The following SLC25A35 variants were observed in gnomAD, a reference collection of about 807,000 sequenced individuals.
The protein encoded by SLC25A35 is solute carrier family 25 member 35, also known as solute carrier family 25, member 35.
Under a neutral mutation model 30.5 loss-of-function variants are expected in SLC25A35, and 32 were observed. That is an observed-to-expected ratio of 1.05 (90% confidence interval 0.79 to 1.41). SLC25A35 has a LOEUF of 1.41. Among genes scored for constraint, SLC25A35 ranks in the 40% most tolerant of loss-of-function variants. SLC25A35 has a pLI of 0.00. For synonymous variants in SLC25A35, 142 were observed against 158.1 expected (o/e 0.90, Z 0.77); for missense variants, 369 against 388.0 (o/e 0.95, Z 0.41).
intron 1 of SLC25A35, among the ~76,000 whole-genome samples, chr17:8,293,451 C>T (rs1990638111): frequency 6.6e-6 from 1 of 152,198 alleles, no homozygotes; most frequent in South Asian, 2.1e-4. Flanking sequence ...GCATTTGTCT[C>T]CCTCGATCCT....
At position 8,291,364 on chromosome 17, in the gene SLC25A35, G is replaced by A; in HGVS notation, c.563C>T (p.Ser188Leu). The A allele has an allele frequency of 1.2e-6, 2 of 1,614,210 alleles. No individual in the cohort carries two copies. Among genetic ancestry groups the A allele is most frequent in the Non-Finnish European group, 1.7e-6 (2 of 1,180,040 alleles). ...VGSSTQLCTF[S>L]STKDLLSQWE... The stretch of plus-strand genomic sequence containing the variant: ...CTGGCTCAGGAGGTCCTTGGTGGAT[G>A]AGAAGGTGCACAGCTGGGTGGAGGA... Residue 188 changes from serine (S) to leucine (L), a missense_variant, in exon 3 of 5, where the codon TCA becomes TTA. By Grantham distance (145) the Ser-to-Leu change is moderately radical. Coordinates refer to ENST00000577745, the MANE Select transcript of SLC25A35 (RefSeq NM_001320870.2).
chr17:8,289,916 A>C (rs773569824), downstream of SLC25A35: 1 of 1,613,998 alleles, frequency 6.2e-7, no homozygotes, highest in African/African-American at 1.3e-5. Flanking sequence ...TCACGATCCT[A>C]ACATCTTTGG....
At chr17:8,289,006 C>T (rs769218673), downstream of SLC25A35, 6 of 1,614,034 alleles carry the variant, frequency 3.7e-6, no homozygotes, top group Admixed American at 6.7e-5. Context: ...CATCCCGTGA[C>T]GGACCAGAGC....
downstream of SLC25A35, chr17:8,288,774 C>A: frequency 6.2e-7 from 1 of 1,613,886 alleles, no homozygotes; most frequent in South Asian, 1.1e-5. Context: ...ATGCCCATAA[C>A]CCAGCCTCAG....
At chr17:8,291,879 A>G (rs550258619) in intron 2 of SLC25A35, among the ~76,000 whole-genome samples, 5 of 151,944 alleles carry the variant, frequency 3.3e-5, no homozygotes, top group Admixed American at 6.6e-5. Context: ...GTGAAACCCC[A>G]TCTCTATTAA....
At position 8,290,244 on chromosome 17, in the gene SLC25A35, C is replaced by T. The variant is rs1194884537; in HGVS notation, c.*261G>A. The T allele has an allele frequency of 1.8e-5, 25 of 1,424,862 alleles. No homozygotes were observed. Among genetic ancestry groups the T allele is most frequent in the East Asian group, 2.5e-5 (1 of 39,428 alleles). The allele number at this position is 1,424,862 out of a possible 1,614,324, so 88.3% of individuals were successfully genotyped here. ...TGGCAGTGGTGAGTGGGAGGAAATA[C>T]ACTTTGGGATGACTCGTTCAGCCCT... On this transcript the variant is annotated 3_prime_UTR_variant, in exon 5 of 5. Coordinates refer to ENST00000577745, the MANE Select transcript of SLC25A35 (RefSeq NM_001320870.2).
chr17:8,288,755 A>T, downstream of SLC25A35: 1 of 1,611,702 alleles, frequency 6.2e-7, no homozygotes, highest in African/African-American at 1.3e-5. Context: ...CTTCTTTTAA[A>T]CCTTTCTAAT....
chr17:8,293,640 C>A (rs572148185), intron 1 of SLC25A35, among the ~76,000 whole-genome samples: 1 of 151,060 alleles, frequency 6.6e-6, no homozygotes, highest in East Asian at 1.9e-4. Context: ...CAAGCTCCGC[C>A]TCCTGGGTTT....
In SLC25A35 at chr17:8,294,520, G is replaced by C. The variant is rs760371879; in HGVS notation, c.288C>G (p.Ala96=). The C allele has an allele frequency of 1.2e-6, 2 of 1,613,718 alleles. No homozygotes were observed. Among genetic ancestry groups the C allele is most frequent in the South Asian group, 2.2e-5 (2 of 91,070 alleles). The change falls in exon 1 of 5, where the codon GCC becomes GCG. Residue 96 remains alanine, a synonymous_variant. Transcript: ENST00000577745. Reference sequence around the variant, plus strand: ...TGCGGGCAGGACTGTGGGTGCCTTCGGCTGTGTGCAGGTAGCCCCCAGCCT... The same window carrying C: ...TGCGGGCAGGACTGTGGGTGCCTTCCGCTGTGTGCAGGTAGCCCCCAGCCT... ...LAEAGGYLHT[A]EGTHSPARSA...
chr17:8,290,533 C>G lies in SLC25A35; in HGVS notation c.875G>C (p.Arg292Pro), dbSNP rs749965855. 1.9e-5 allele frequency: 29 copies of G among 1,535,848 alleles called. No homozygotes were observed. Among genetic ancestry groups the G allele is most frequent in the Middle Eastern group, 1.7e-4 (1 of 6,008 alleles). Residue 292 changes from arginine (R) to proline (P), a missense_variant, in exon 5 of 5, where the codon CGC becomes CCC. By Grantham distance (103) the Arg-to-Pro change is moderately radical. Transcript: ENST00000577745. ...TTTAGTGTCTGTGTAGTAGAGGGAG[C>G]GCAGCTGGTCCCAGAAGAAGAGGGA... is the stretch of plus-strand genomic sequence containing the variant. The part of the protein sequence containing the change: ...ILSLFFWDQL[R>P]SLYYTDTK
Position 8,291,369 on chromosome 17 carries a change from G to A in SLC25A35, c.558C>T (p.Thr186=). 2 of 1,614,182 alleles carry A rather than the reference G, an allele frequency of 1.2e-6. No individual in the cohort carries two copies. The highest frequency in any genetic ancestry group is 1.7e-6 in the Non-Finnish European group (2 of 1,180,042). ...VIVGSSTQLC[T]FSSTKDLLSQ... is the part of the protein sequence containing the mutation. ...TCAGGAGGTCCTTGGTGGATGAGAA[G>A]GTGCACAGCTGGGTGGAGGAACCGA... The change falls in exon 3 of 5, where the codon ACC becomes ACT. Residue 186 remains threonine (T), a synonymous_variant. Transcript: ENST00000577745.
At chr17:8,294,066 C>G (rs896027247) in intron 1 of SLC25A35, among the ~76,000 whole-genome samples, 1 of 150,560 alleles carries the variant, frequency 6.6e-6, no homozygotes, top group Non-Finnish European at 1.5e-5. Context: ...CAGGCGCCCA[C>G]CACCGCACCC....
downstream of SLC25A35, chr17:8,289,747 G>A (rs1990333104): frequency 6.2e-7 from 1 of 1,613,850 alleles, no homozygotes; most frequent in South Asian, 1.1e-5. Context: ...TGGGGAACAG[G>A]AATTGGCAAT....
chr17:8,290,148 GTC>G lies in SLC25A35; in HGVS notation c.*355_*356del. 1 of 1,447,086 alleles carries G rather than the reference GTC, an allele frequency of 6.9e-7. No homozygotes were observed. The highest frequency in any genetic ancestry group is 1.4e-5 in the African/African-American group (1 of 69,940). The allele number at this position is 1,447,086 out of a possible 1,614,324, so 89.6% of individuals were successfully genotyped here. A position where few individuals can be genotyped will look rare whatever the true frequency, so the allele number is the denominator to read the frequency against. On this transcript the variant is annotated 3_prime_UTR_variant, in exon 5 of 5. Coordinates refer to ENST00000577745, the MANE Select transcript of SLC25A35 (RefSeq NM_001320870.2). ...TGGGTCCCAGACGCCTGGGAATTGG[GTC>G]TCTCGATTCCCTTTGGTTTTGGAGG...
At position 8,294,968 on chromosome 17, in the gene SLC25A35, GTGGTCAAACGTCAGC is replaced by G; in HGVS notation, c.-176_-162del. On this transcript the variant is annotated 5_prime_UTR_variant, in exon 1 of 5. Coordinates refer to ENST00000577745, the MANE Select transcript of SLC25A35 (RefSeq NM_001320870.2). ...CAAGGGTGTCAGGGTCAAATGTCAA[GTGGTCAAACGTCAGC>G]TGGAATTTGGGAGTCAAGAGCTGGC... The G allele has an allele frequency of 7.1e-7, 1 of 1,413,160 alleles. No homozygotes were observed. The highest frequency in any genetic ancestry group is 9.2e-7 in the Non-Finnish European group (1 of 1,088,762). The allele number at this position is 1,413,160 out of a possible 1,614,324, so 87.5% of individuals were successfully genotyped here. A position where few individuals can be genotyped will look rare whatever the true frequency, so the allele number is the denominator to read the frequency against.
chr17:8,289,208 C>T (rs1167991756), downstream of SLC25A35: 1 of 1,607,236 alleles, frequency 6.2e-7, no homozygotes, highest in Admixed American at 1.7e-5. Context: ...AAGATGCTCC[C>T]GGGGAGGCGA....
At chr17:8,288,870 G>A (rs369372561), downstream of SLC25A35, 652 of 1,614,116 alleles carry the variant, frequency 4.0e-4, 1 homozygote, top group Non-Finnish European at 5.3e-4. Flanking sequence ...CGTAAGGTGA[G>A]AAGGCCGGGG....
chr17:8,294,999 A>G lies in SLC25A35; in HGVS notation c.-192T>C. 1 of 1,398,000 alleles carries G rather than the reference A, an allele frequency of 7.2e-7. No homozygotes were observed. Among genetic ancestry groups the G allele is most frequent in the South Asian group, 1.6e-5 (1 of 60,814 alleles). 86.6% of individuals were successfully genotyped at this position (1,398,000 alleles called of 1,614,324 possible). A position where few individuals can be genotyped will look rare whatever the true frequency, so the allele number is the denominator to read the frequency against. On this transcript the variant is annotated 5_prime_UTR_variant, in exon 1 of 5. Transcript: ENST00000577745. ...AAACGTCAGCTGGAATTTGGGAGTC[A>G]AGAGCTGGCAAGCAGGGAAGAGATA... is the stretch of plus-strand genomic sequence containing the variant.
intron 4 of SLC25A35, 58 bp from the exon 5 acceptor site, chr17:8,290,736 CA>C: frequency 6.2e-7 from 1 of 1,601,992 alleles, no homozygotes; most frequent in Non-Finnish European, 8.5e-7. Context: ...CAGAGCCCAC[CA>C]GGGGCAGCAC....
Sources: gnomAD v4.1 joint callset for allele counts (sites outside exome capture counted in the v4.1 genomes callset) on GRCh38, gnomAD v4.1.1 for gene constraint, MANE v1.5 for transcripts, NCBI Gene and HGNC (gene_info 2026-07-23, HGNC 2026-07-21) for gene names.